The following SEPTIN2 variants were observed in gnomAD, a reference collection of about 807,000 sequenced individuals.
SEPTIN2 encodes the protein septin 2.
In SEPTIN2, 34 loss-of-function variants were observed where a neutral mutation model predicts 46.5. That is an observed-to-expected ratio of 0.73 (90% CI 0.56 to 0.97). The LOEUF is 0.97. Ranked by LOEUF, SEPTIN2 falls within the 50% of genes least tolerant of loss-of-function variation. The pLI, the probability that SEPTIN2 is intolerant of heterozygous loss-of-function variation, is 0.00. For synonymous variants in SEPTIN2, 175 were observed against 153.4 expected (o/e 1.14, Z -1.04); for missense variants, 347 against 448.4 (o/e 0.77, Z 2.04).
At chr2:241,318,061 C>A (rs1159060300) in intron 1 of SEPTIN2, among the ~76,000 whole-genome samples, 1 of 151,712 alleles carries the variant, frequency 6.6e-6, no homozygotes, top group Non-Finnish European at 1.5e-5. Flanking sequence ...CTTTCACCTT[C>A]CATTTCACAT....
intron 9 of SEPTIN2, among the ~76,000 whole-genome samples, chr2:241,345,537 A>G (rs1044836809): frequency 6.6e-6 from 1 of 152,200 alleles, no homozygotes; most frequent in African/African-American, 2.4e-5. Context: ...ATCAATAGGA[A>G]CGTGTTACAA....
intron 3 of SEPTIN2, among the ~76,000 whole-genome samples, chr2:241,329,397 G>A (rs2078597227): frequency 6.6e-6 from 1 of 151,986 alleles, no homozygotes; most frequent in Admixed American, 6.5e-5. Context: ...CAAAGCGCTA[G>A]GATTAATATA....
Position 241,352,920 on chromosome 2 carries a change from G to C in SEPTIN2, c.*983G>C, listed in dbSNP as rs1168255493. ...TGTATTTTCTGTCACTGTAGGTATA[G>C]AAGATCTGCCTCCCCTGTGGAAATT... On this transcript the variant is annotated 3_prime_UTR_variant, in exon 13 of 13. Transcript: ENST00000391971. 6.6e-6 allele frequency: 1 copy of C among 152,214 alleles called. No individual in the cohort carries two copies. 9.4% of individuals were successfully genotyped at this position (152,214 alleles called of 1,614,324 possible).
intron 7 of SEPTIN2, among the ~76,000 whole-genome samples, chr2:241,339,367 C>T (rs1041091865): frequency 5.4e-5 from 8 of 147,866 alleles, no homozygotes; most frequent in Middle Eastern, 3.2e-3. Context: ...AGCAAGACTC[C>T]GTCTCAAGAA....
chr2:241,330,294 T>C (rs935777584), intron 3 of SEPTIN2, among the ~76,000 whole-genome samples: 5 of 152,150 alleles, frequency 3.3e-5, no homozygotes, highest in Admixed American at 6.5e-5. Context: ...CTCAGAACCT[T>C]CATCAGCGAC....
intron 10 of SEPTIN2, 60 bp downstream of exon 10, chr2:241,346,309 C>T (rs2060228484): frequency 1.5e-6 from 2 of 1,334,850 alleles, no homozygotes; most frequent in East Asian, 4.7e-5. Context: ...TGTTCCTCCT[C>T]CTCTATGTGT....
intron 7 of SEPTIN2, among the ~76,000 whole-genome samples, chr2:241,338,948 TATATATA>T (rs1485317885): frequency 2.5e-5 from 2 of 80,628 alleles, no homozygotes; most frequent in African/African-American, 9.0e-5. Context: ...ATATATATTA[TATATATA>T]ATATATATTA....
chr2:241,332,757 G>A (rs1291391940), intron 3 of SEPTIN2, among the ~76,000 whole-genome samples: 1 of 152,232 alleles, frequency 6.6e-6, no homozygotes, highest in Admixed American at 6.5e-5. Flanking sequence ...AAATTGTGGT[G>A]TAGCCATACA....
At chr2:241,343,462 G>A (rs954749253) in intron 8 of SEPTIN2, among the ~76,000 whole-genome samples, 1 of 151,552 alleles carries the variant, frequency 6.6e-6, no homozygotes, top group African/African-American at 2.4e-5. Context: ...TCGCGCCTCT[G>A]CACTCTAGCC....
chr2:241,331,971 G>C (rs1019018823), intron 3 of SEPTIN2, among the ~76,000 whole-genome samples: 3 of 152,090 alleles, frequency 2.0e-5, no homozygotes, highest in Non-Finnish European at 2.9e-5. Flanking sequence ...TGATTCAGTG[G>C]GGGCAAGTTT....
At chr2:241,327,411 C>T (rs1451615983) in intron 3 of SEPTIN2, among the ~76,000 whole-genome samples, 1 of 147,438 alleles carries the variant, frequency 6.8e-6, no homozygotes, top group Non-Finnish European at 1.5e-5. Flanking sequence ...AAGGGAAAAG[C>T]TGGAAAAAAA....
At chr2:241,347,943 AG>A (rs1314165247) in intron 10 of SEPTIN2, among the ~76,000 whole-genome samples, 190 bp from the exon 11 acceptor site, 12 of 152,152 alleles carry the variant, frequency 7.9e-5, no homozygotes, top group Admixed American at 7.9e-4. Flanking sequence ...TGAACCTAGG[AG>A]GTGGAGGTTG....
Position 241,352,535 on chromosome 2 carries a change from AAACAT to A in SEPTIN2, c.*601_*605del, listed in dbSNP as rs1184340079. 5 of 152,798 alleles carry A rather than the reference AAACAT, an allele frequency of 3.3e-5. No individual in the cohort carries two copies. Among genetic ancestry groups the A allele is most frequent in the Admixed American group, 1.3e-4 (2 of 15,308 alleles). The allele number at this position is 152,798 out of a possible 1,614,324, so 9.5% of individuals were successfully genotyped here. ...TGCGATTTTATCTGTTAACCAAATA[AAACAT>A]AATAGAATTTCCTAATGAGATATAT... On this transcript the variant is annotated 3_prime_UTR_variant, in exon 13 of 13. Transcript: ENST00000391971.
intron 11 of SEPTIN2, 109 bp downstream of exon 11, chr2:241,348,300 TCACTGCAACCTCTGCC>T (rs747435662): frequency 3.1e-4 from 203 of 658,726 alleles, no homozygotes; most frequent in Non-Finnish European, 4.8e-4. Context: ...TGATCTCGGC[TCACTGCAACCTCTGCC>T]TCCCGGGTTC....
At chr2:241,328,796 G>A (rs1168854907) in intron 3 of SEPTIN2, among the ~76,000 whole-genome samples, 1 of 148,330 alleles carries the variant, frequency 6.7e-6, no homozygotes, top group Non-Finnish European at 1.5e-5. Context: ...CTAGGCGGGT[G>A]GATCACCTGA....
In SEPTIN2 at chr2:241,336,009, A is replaced by G. The variant is rs2079909889; in HGVS notation, c.252A>G (p.Ser84=). 1 of 1,614,170 alleles carries G rather than the reference A, an allele frequency of 6.2e-7. No homozygotes were observed. Among genetic ancestry groups the G allele is most frequent in the Non-Finnish European group, 8.5e-7 (1 of 1,180,020 alleles). ...AAAGAACTGTCCAGATTGAGGCTTC[A>G]ACTGTTGAAATTGAAGAGCGAGGGG... is the stretch of plus-strand genomic sequence containing the variant. The part of the protein sequence containing the change: ...KIERTVQIEA[S]TVEIEERGVK... The change falls in exon 5 of 13, where the codon TCA becomes TCG. Residue 84 remains serine, a synonymous_variant. Coordinates refer to ENST00000391971, the MANE Select transcript of SEPTIN2 (RefSeq NM_004404.5).
intron 5 of SEPTIN2, chr2:241,337,037 T>A (rs1422597296): frequency 6.1e-6 from 1 of 164,690 alleles, no homozygotes; most frequent in East Asian, 1.7e-4. Flanking sequence ...GAGGTTGCAG[T>A]GAGCCGAGAT....
chr2:241,320,152 T>C (rs1023010244), intron 1 of SEPTIN2: 6 of 459,546 alleles, frequency 1.3e-5, no homozygotes, highest in Non-Finnish European at 2.3e-5. Flanking sequence ...GGGTTTGTTA[T>C]TAAAACTGTG....
chr2:241,342,849 T>C (rs2081444640), intron 7 of SEPTIN2, 143 bp from the exon 8 acceptor site: 1 of 588,160 alleles, frequency 1.7e-6, no homozygotes, highest in East Asian at 3.0e-5. Flanking sequence ...GTTTTATAAA[T>C]TTATTTGACA....
Sources: gnomAD v4.1 joint callset for allele counts (sites outside exome capture counted in the v4.1 genomes callset) on GRCh38, gnomAD v4.1.1 for gene constraint, MANE v1.5 for transcripts, NCBI Gene and HGNC (gene_info 2026-07-23, HGNC 2026-07-21) for gene names.